Variants in RBFOX1 observed in about 807,000 individuals in gnomAD.
RBFOX1 encodes the protein RNA binding protein fox-1 homolog 1.
Under a neutral mutation model 57.7 loss-of-function variants are expected in RBFOX1, and 8 were observed. That is an observed-to-expected ratio of 0.14 (90% CI 0.08 to 0.25). The LOEUF is 0.25. Among genes scored for constraint, RBFOX1 ranks in the 10% least tolerant of loss-of-function variants. RBFOX1 has a pLI of 1.00. For missense variants in RBFOX1, 611 were observed against 548.5 expected (o/e 1.11, Z -1.14); for synonymous variants, 326 against 222.4 (o/e 1.47, Z -4.15).
chr16:6,517,298 C>G (rs1276794028), intron 2 of RBFOX1, among the ~76,000 whole-genome samples: 2 of 152,210 alleles, frequency 1.3e-5, no homozygotes, highest in African/African-American at 2.4e-5. Flanking sequence ...CCAGACATAA[C>G]TGTTCTCCCT....
At chr16:7,368,437 A>G (rs1342626576) in intron 4 of RBFOX1, among the ~76,000 whole-genome samples, 1 of 152,066 alleles carries the variant, frequency 6.6e-6, no homozygotes, top group Admixed American at 6.6e-5. Context: ...ATATGCTTAA[A>G]AAGTTTTCTT....
chr16:7,574,696 C>T (rs937406112), intron 5 of RBFOX1, among the ~76,000 whole-genome samples: 1 of 152,182 alleles, frequency 6.6e-6, no homozygotes, highest in African/African-American at 2.4e-5. Flanking sequence ...GGCCAGTCCA[C>T]TGACTTGAAT....
intron 4 of RBFOX1, among the ~76,000 whole-genome samples, chr16:7,104,107 A>G (rs889055669): frequency 2.0e-5 from 3 of 152,204 alleles, no homozygotes; most frequent in Admixed American, 2.0e-4. Flanking sequence ...ATAGTAATTT[A>G]AGAAATATGT....
intron 1 of RBFOX1, among the ~76,000 whole-genome samples, chr16:6,225,023 A>C (rs1277206219): frequency 5.9e-3 from 17 of 2,876 alleles, no homozygotes; most frequent in East Asian, 0.083. Flanking sequence ...CCATCTCAAA[A>C]AAAAAAAAAA....
At chr16:6,731,177 G>A (rs998751427) in intron 3 of RBFOX1, among the ~76,000 whole-genome samples, 20 of 152,100 alleles carry the variant, frequency 1.3e-4, no homozygotes, top group African/African-American at 4.8e-4. Context: ...TATCTAAGAT[G>A]CAAAAATACA....
At chr16:6,927,369 C>T (rs927653359) in intron 3 of RBFOX1, among the ~76,000 whole-genome samples, 2 of 141,794 alleles carry the variant, frequency 1.4e-5, no homozygotes, top group Non-Finnish European at 1.5e-5. Context: ...GCTGAGATCG[C>T]ACCGCTCCAC....
intron 3 of RBFOX1, among the ~76,000 whole-genome samples, chr16:6,800,325 C>T (rs1702607424): frequency 6.6e-6 from 1 of 152,156 alleles, no homozygotes; most frequent in African/African-American, 2.4e-5. Flanking sequence ...GCTGGTAGTA[C>T]CAAAAGTCAG....
chr16:6,815,212 T>C (rs537929555), intron 3 of RBFOX1, among the ~76,000 whole-genome samples: 6 of 152,292 alleles, frequency 3.9e-5, no homozygotes, highest in African/African-American at 1.4e-4. Context: ...TAGCATATAG[T>C]GAAGAGTGAG....
At chr16:5,259,733 T>A (rs1268787888) in intron 1 of RBFOX1, among the ~76,000 whole-genome samples, 3 of 152,122 alleles carry the variant, frequency 2.0e-5, no homozygotes. Flanking sequence ...TAAGTGGAGG[T>A]CTTGCCCTGA....
At chr16:7,498,192 C>T (rs1251498586) in intron 4 of RBFOX1, among the ~76,000 whole-genome samples, 2 of 152,016 alleles carry the variant, frequency 1.3e-5, no homozygotes, top group Non-Finnish European at 2.9e-5. Context: ...ATCAAGCTTC[C>T]CTGTTCTGGA....
intron 2 of RBFOX1, among the ~76,000 whole-genome samples, chr16:6,445,616 C>T (rs1337785269): frequency 1.5e-5 from 2 of 129,734 alleles, no homozygotes; most frequent in African/African-American, 5.8e-5. Flanking sequence ...TGGAGCCTTA[C>T]TCTGTTGCCA....
intron 2 of RBFOX1, among the ~76,000 whole-genome samples, chr16:6,384,272 C>T (rs1012680991): frequency 2.0e-5 from 3 of 152,066 alleles, no homozygotes; most frequent in Admixed American, 6.5e-5. Flanking sequence ...GCAATGAATC[C>T]TGTTTGAAAT....
rs1276804979 is a variant in RBFOX1, at chr16:6,402,592, C to T, written c.-64+85535C>T. Among the ~76,000 whole-genome samples the T allele has an allele frequency of 2.6e-5, 4 of 152,148 alleles. 1 individual carries two copies. The highest frequency in any genetic ancestry group is 2.6e-4 in the Admixed American group (4 of 15,274). Reference sequence around the variant, plus strand: ...GTGTTCAGTTTGTCCTTGACCTATACATTTACACTGGGTTGCTGTCCTCTG... The same window carrying T: ...GTGTTCAGTTTGTCCTTGACCTATATATTTACACTGGGTTGCTGTCCTCTG... On this transcript the variant is annotated intron_variant, in intron 2 of 15. Transcript: ENST00000550418.
intron 5 of RBFOX1, among the ~76,000 whole-genome samples, chr16:7,572,933 G>T (rs951721801): frequency 2.6e-5 from 4 of 152,128 alleles, no homozygotes; most frequent in Non-Finnish European, 4.4e-5. Context: ...GAGGGTTTCA[G>T]TGAACAGAAA....
intron 4 of RBFOX1, among the ~76,000 whole-genome samples, chr16:5,954,335 G>A (rs1392154594): frequency 6.6e-6 from 1 of 152,122 alleles, no homozygotes. Context: ...CAGGCCGGGT[G>A]GGGGTTGGGA....
At chr16:5,573,593 G>T (rs1047716155) in intron 2 of RBFOX1, among the ~76,000 whole-genome samples, 1 of 152,144 alleles carries the variant, frequency 6.6e-6, no homozygotes, top group African/African-American at 2.4e-5. Context: ...TTGTTTGTCT[G>T]CTTCCCTGGG....
At chr16:7,519,672 T>C (rs538849717) in intron 5 of RBFOX1, 1 of 985,098 alleles carries the variant, frequency 1.0e-6, no homozygotes, top group African/African-American at 1.7e-5. Flanking sequence ...CTTTAGAAGC[T>C]TGGGAACCCC....
chr16:6,980,175 T>G (rs1223764552), intron 3 of RBFOX1, among the ~76,000 whole-genome samples: 1 of 152,160 alleles, frequency 6.6e-6, no homozygotes, highest in Non-Finnish European at 1.5e-5. Flanking sequence ...GCAGTTAGGA[T>G]TTCTATTATT....
chr16:5,343,575 C>T (rs2065079563), intron 1 of RBFOX1, among the ~76,000 whole-genome samples: 1 of 151,982 alleles, frequency 6.6e-6, no homozygotes, highest in South Asian at 2.1e-4. Context: ...CCTGCCTTGG[C>T]CTCCCAAAGT....
Sources: gnomAD v4.1 joint callset for allele counts (sites outside exome capture counted in the v4.1 genomes callset) on GRCh38, gnomAD v4.1.1 for gene constraint, MANE v1.5 for transcripts, NCBI Gene and HGNC (gene_info 2026-07-23, HGNC 2026-07-21) for gene names.